EYS: variants seen among roughly 807,000 people sequenced by gnomAD.
EYS encodes the protein protein eyes shut homolog.
Under a neutral mutation model 282.1 loss-of-function variants are expected in EYS, and 250 were observed. The ratio of observed to expected loss-of-function variants is 0.89; its 90% CI spans 0.80 to 0.98. The LOEUF (loss-of-function observed/expected upper bound fraction) is 0.98. Among genes scored for constraint, EYS ranks in the 50% least tolerant of loss-of-function variants. The probability of loss-of-function intolerance (pLI) is 0.00; values close to 1 mark genes in which losing one functional copy is unlikely to be tolerated. For missense variants in EYS, 4,016 were observed against 3,709.0 expected, an observed-to-expected ratio of 1.08 and a Z score of -2.15; for synonymous variants, 1,355 against 1,282.9, an observed-to-expected ratio of 1.06 and a Z score of -1.20.
intron 24 of EYS, among the ~76,000 whole-genome samples, chr6:64,598,010 T>A (rs2149836323): frequency 6.6e-6 from 1 of 152,302 alleles, no homozygotes; most frequent in South Asian, 2.1e-4. Context: ...ATATGTACAA[T>A]TAATATGCGT....
intron 19 of EYS, among the ~76,000 whole-genome samples, chr6:64,824,100 T>C (rs1337154092): frequency 2.0e-5 from 3 of 151,866 alleles, no homozygotes; most frequent in Non-Finnish European, 4.4e-5. Flanking sequence ...TTATCTTCAC[T>C]CTGAGACCAA....
chr6:63,765,536 A>G (rs1769765791), intron 40 of EYS, among the ~76,000 whole-genome samples: 1 of 151,836 alleles, frequency 6.6e-6, no homozygotes, highest in African/African-American at 2.4e-5. Context: ...GTAGGTGTAC[A>G]TATTTCTGGG....
intron 12 of EYS, among the ~76,000 whole-genome samples, chr6:65,208,719 C>T (rs186951382): frequency 6.6e-6 from 1 of 151,010 alleles, no homozygotes; most frequent in African/African-American, 2.4e-5. Context: ...AGTACCACAC[C>T]TTCTCACTTA....
Position 64,011,594 on chromosome 6 carries a change from T to G in EYS, c.6726-12411A>C, listed in dbSNP as rs143259250. ...AGCACATAAGTAAAGTAGTTTGTTT[T>G]TTTTTTTTCCAGAGAGAAATAGAAC... On this transcript the variant is annotated intron_variant, in intron 33 of 42. Transcript: ENST00000503581. 7.0e-4 allele frequency among the ~76,000 whole-genome samples: 106 copies of G among 152,288 alleles called. No individual in the cohort carries two copies. The East Asian group carries it at 0.016, about 22-fold the overall frequency.
At chr6:65,256,481 C>G (rs948743271) in intron 12 of EYS, among the ~76,000 whole-genome samples, 1 of 128,850 alleles carries the variant, frequency 7.8e-6, no homozygotes, top group African/African-American at 3.1e-5. Context: ...CATGCGATCT[C>G]ATTGTTCAAT....
chr6:64,725,960 T>C (rs970260082), intron 22 of EYS, among the ~76,000 whole-genome samples: 12 of 152,180 alleles, frequency 7.9e-5, no homozygotes, highest in African/African-American at 2.9e-4. Flanking sequence ...TTTATCACTA[T>C]GCAATGTAAA....
At chr6:65,391,006 G>A (rs1766009729) in intron 7 of EYS, among the ~76,000 whole-genome samples, 2 of 152,128 alleles carry the variant, frequency 1.3e-5, no homozygotes, top group Admixed American at 6.6e-5. Context: ...ATTGGAGGTT[G>A]TGCAAAGCAT....
intron 26 of EYS, among the ~76,000 whole-genome samples, chr6:64,475,769 TTGTTGTATTAAAACATTAC>T (rs1776246725): frequency 6.6e-6 from 1 of 152,076 alleles, no homozygotes; most frequent in African/African-American, 2.4e-5. Context: ...ATTTGTATGA[TTGTTGTATTAAAACATTAC>T]TGTTGTGATG....
At chr6:65,325,253 G>A (rs1398418702) in intron 11 of EYS, among the ~76,000 whole-genome samples, 1 of 151,992 alleles carries the variant, frequency 6.6e-6, no homozygotes, top group Non-Finnish European at 1.5e-5. Flanking sequence ...TCATCTAGCT[G>A]TGATATTTTT....
At position 65,504,173 on chromosome 6, in the gene EYS, G is replaced by T. The variant is rs937238431; in HGVS notation, c.-332-8180C>A. ...ATATAGGTCAGTACATAGTTTTGTAGGTATATACCCAATTATTTATTTATT... is the reference window on the plus strand; with the variant it reads ...ATATAGGTCAGTACATAGTTTTGTATGTATATACCCAATTATTTATTTATT... On this transcript the variant is annotated intron_variant, in intron 2 of 42. Transcript: ENST00000503581. Among the ~76,000 whole-genome samples, 6 of 151,148 alleles carry T rather than the reference G, an allele frequency of 4.0e-5. No homozygotes were observed. The East Asian group carries it at 9.7e-4, about 24-fold the overall frequency.
At chr6:64,246,897 A>G (rs4504461) in intron 30 of EYS, among the ~76,000 whole-genome samples, 48,002 of 148,808 alleles carry the variant, frequency 0.32, 7,578 homozygotes, top group East Asian at 0.51. Context: ...AGGAAATTAA[A>G]TTGAAAATTA....
chr6:64,325,286 G>T (rs1770370984), intron 29 of EYS, among the ~76,000 whole-genome samples: 1 of 152,154 alleles, frequency 6.6e-6, no homozygotes, highest in Non-Finnish European at 1.5e-5. Context: ...GGGTAGGCTT[G>T]CTGTGTAGCT....
At chr6:63,747,647 A>C (rs1469876271) in intron 41 of EYS, among the ~76,000 whole-genome samples, 2 of 152,146 alleles carry the variant, frequency 1.3e-5, no homozygotes, top group East Asian at 3.9e-4. Context: ...GGGTGTATAA[A>C]TACTTAGGAT....
At chr6:65,566,930 A>C (rs1296794287) in intron 2 of EYS, among the ~76,000 whole-genome samples, 1 of 152,182 alleles carries the variant, frequency 6.6e-6, no homozygotes, top group Non-Finnish European at 1.5e-5. Flanking sequence ...AGGTTAAATT[A>C]CTTAGCACAT....
intron 12 of EYS, among the ~76,000 whole-genome samples, chr6:65,276,420 A>T (rs1229653240): frequency 1.3e-5 from 2 of 152,074 alleles, no homozygotes; most frequent in African/African-American, 4.8e-5. Flanking sequence ...AAAGAAAAAA[A>T]AAAAGATTCC....
At chr6:65,289,659 G>C (rs1768468022) in intron 12 of EYS, among the ~76,000 whole-genome samples, 1 of 151,080 alleles carries the variant, frequency 6.6e-6, no homozygotes, top group South Asian at 2.1e-4. Context: ...AAGCATAACA[G>C]ATGAGTCATA....
At chr6:64,815,863 A>G (rs1764730977) in intron 21 of EYS, among the ~76,000 whole-genome samples, 1 of 152,024 alleles carries the variant, frequency 6.6e-6, no homozygotes, top group East Asian at 1.9e-4. Context: ...GGAACAGGGC[A>G]GTGATATATT....
chr6:64,457,225 A>G (rs538884341), intron 26 of EYS, among the ~76,000 whole-genome samples: 190 of 152,130 alleles, frequency 1.2e-3, no homozygotes, highest in Non-Finnish European at 2.0e-3. Flanking sequence ...ATGGTCGAAA[A>G]TGATACTTGA....
chr6:63,978,990 T>C (rs1381964756), intron 35 of EYS, among the ~76,000 whole-genome samples: 1 of 151,996 alleles, frequency 6.6e-6, no homozygotes, highest in Non-Finnish European at 1.5e-5. Flanking sequence ...AATTTCTGAA[T>C]GCTAAACAAA....
Sources: gnomAD v4.1 joint callset for allele counts (sites outside exome capture counted in the v4.1 genomes callset) on GRCh38, gnomAD v4.1.1 for gene constraint, MANE v1.5 for transcripts, NCBI Gene and HGNC (gene_info 2026-07-23, HGNC 2026-07-21) for gene names.